SNTG2: variants seen among roughly 807,000 people sequenced by gnomAD.
The protein encoded by SNTG2 is gamma-2-syntrophin.
Under a neutral mutation model 70.9 loss-of-function variants are expected in SNTG2, and 74 were observed. The ratio of observed to expected loss-of-function variants is 1.04; its 90% CI spans 0.86 to 1.27. SNTG2 has a LOEUF of 1.27. Among genes scored for constraint, SNTG2 ranks in the 50% most tolerant of loss-of-function variants. SNTG2 has a pLI of 0.00. For missense variants in SNTG2, 717 were observed against 690.7 expected (o/e 1.04, Z -0.43); for synonymous variants, 278 against 273.8 (o/e 1.02, Z -0.15).
rs4971401 is a variant in SNTG2, at chr2:1,161,845, C to G, written c.412-3703C>G. 9.6e-3 allele frequency among the ~76,000 whole-genome samples: 1,455 copies of G among 151,934 alleles called. 13 individuals are homozygous for G. The highest frequency in any genetic ancestry group is 0.017 in the Non-Finnish European group (1,150 of 67,966). On this transcript the variant is annotated intron_variant, in intron 6 of 16. Transcript: ENST00000308624. ...ATCCCAGCAGTTTGGGAGGCCGAGG[C>G]GGGCGGATCACGAGGTCAGGAGATC...
chr2:1,268,427 G>A (rs1197715269), intron 14 of SNTG2, among the ~76,000 whole-genome samples: 1 of 152,152 alleles, frequency 6.6e-6, no homozygotes, highest in African/African-American at 2.4e-5. Flanking sequence ...TGCCATCACA[G>A]AGCACGAAGC....
chr2:1,130,054 A>G (rs1237937184), intron 4 of SNTG2, among the ~76,000 whole-genome samples: 4 of 152,168 alleles, frequency 2.6e-5, no homozygotes, highest in African/African-American at 9.6e-5. Flanking sequence ...TTCATCTTAC[A>G]TTCTTGGCCA....
rs374705132 is a variant in SNTG2, at chr2:1,085,158, G to T, written c.210+1503G>T. On this transcript the variant is annotated intron_variant, in intron 2 of 16. Transcript: ENST00000308624. ...AACCATTATTTTTTTTCCTCCACTT[G>T]TTCTAAATACCTAATAAGAGTGGGC... 9.2e-5 allele frequency among the ~76,000 whole-genome samples: 14 copies of T among 151,902 alleles called. No homozygotes were observed. The East Asian group carries it at 2.5e-3, about 27-fold the overall frequency.
At chr2:1,152,533 T>G (rs1669571622) in intron 6 of SNTG2, among the ~76,000 whole-genome samples, 1 of 151,830 alleles carries the variant, frequency 6.6e-6, no homozygotes, top group East Asian at 2.0e-4. Flanking sequence ...TGCATGTGTA[T>G]TCATGTGTGC....
At chr2:1,103,635 C>G (rs750232008) in intron 4 of SNTG2, among the ~76,000 whole-genome samples, 4 of 152,164 alleles carry the variant, frequency 2.6e-5, no homozygotes, top group Admixed American at 1.3e-4. Flanking sequence ...TGATCCTCCC[C>G]CTTTGGCCTC....
intron 6 of SNTG2, among the ~76,000 whole-genome samples, chr2:1,154,896 ACACATAC>A (rs1216395003): frequency 6.6e-6 from 1 of 150,796 alleles, no homozygotes; most frequent in African/African-American, 2.4e-5. Flanking sequence ...ACACACAAAG[ACACATAC>A]CACATACACA....
chr2:1,098,000 A>C lies in SNTG2; in HGVS notation c.211-196A>C, dbSNP rs986244572. The stretch of plus-strand genomic sequence containing the variant: ...CCTGGAATGGGGCCTATTCTTTATC[A>C]CTGTCTTCGTTTTCATACGTGCAAT... On this transcript the variant is annotated intron_variant, in intron 2 of 16. Transcript: ENST00000308624. This position sits in a 1 kb window ranked among gnomAD's most constrained non-coding sequence, Gnocchi z 4.1. Among the ~76,000 whole-genome samples the C allele has an allele frequency of 6.6e-6, 1 of 151,848 alleles. No individual in the cohort carries two copies. Among genetic ancestry groups the C allele is most frequent in the African/African-American group, 2.4e-5 (1 of 41,326 alleles).
chr2:1,142,628 A>T (rs28392581), intron 6 of SNTG2, among the ~76,000 whole-genome samples: 150,287 of 152,330 alleles, frequency 0.99, 74,170 homozygotes, highest in Middle Eastern at 1. Context: ...CAACTCAACC[A>T]CACTTAGTGT....
chr2:1,256,759 G>A (rs573912367), intron 12 of SNTG2, among the ~76,000 whole-genome samples: 36 of 152,084 alleles, frequency 2.4e-4, no homozygotes, highest in Non-Finnish European at 4.7e-4. Context: ...AGGGTGCTCT[G>A]CAGAAAGGAT....
chr2:1,287,845 G>A (rs1231768126), intron 14 of SNTG2, among the ~76,000 whole-genome samples: 1 of 152,144 alleles, frequency 6.6e-6, no homozygotes, highest in East Asian at 1.9e-4. Context: ...CCATGGTTTT[G>A]TGGTTGCATT....
chr2:1,098,463 C>G, intron 4 of SNTG2, 53 bp downstream of exon 4: 1 of 1,536,362 alleles, frequency 6.5e-7, no homozygotes, highest in Non-Finnish European at 9.0e-7. Flanking sequence ...TGTGAGATAA[C>G]AAATTACTGA....
chr2:1,131,072 T>C (rs7588450), intron 4 of SNTG2, among the ~76,000 whole-genome samples: 90,505 of 151,982 alleles, frequency 0.6, 27,700 homozygotes, highest in East Asian at 0.74. Context: ...GACACAGCCT[T>C]GGGCCAAACT....
At position 1,087,341 on chromosome 2, in the gene SNTG2, A is replaced by G. The variant is rs564502027; in HGVS notation, c.210+3686A>G. On this transcript the variant is annotated intron_variant, in intron 2 of 16. Coordinates refer to ENST00000308624, the MANE Select transcript of SNTG2 (RefSeq NM_018968.4). ...GTAGCATGGCTGTTCTGTCTGTCCT[A>G]TAGGAAGGCTTTGTCAGGGTAATGT... Among the ~76,000 whole-genome samples the G allele has an allele frequency of 2.6e-5, 4 of 152,156 alleles. No homozygotes were observed. The South Asian group carries it at 6.2e-4, about 24-fold the overall frequency.
At chr2:1,122,956 G>A (rs1204828309) in intron 4 of SNTG2, among the ~76,000 whole-genome samples, 1 of 151,850 alleles carries the variant, frequency 6.6e-6, no homozygotes, top group Non-Finnish European at 1.5e-5. Context: ...ATTAATGCAA[G>A]CATCAGAAAA....
At chr2:1,059,692 C>T (rs1662690065) in intron 1 of SNTG2, among the ~76,000 whole-genome samples, 1 of 152,124 alleles carries the variant, frequency 6.6e-6, no homozygotes, top group South Asian at 2.1e-4. Flanking sequence ...ACTCAGAGGG[C>T]ATAACATGAA....
intron 1 of SNTG2, among the ~76,000 whole-genome samples, chr2:984,259 C>CTT (rs35096466): frequency 4.8e-4 from 67 of 140,310 alleles, no homozygotes; most frequent in Non-Finnish European, 8.4e-4. Flanking sequence ...AGAAACAAAG[C>CTT]TTTTTTTTTT....
intron 9 of SNTG2, among the ~76,000 whole-genome samples, chr2:1,217,129 A>T (rs1432103222): frequency 6.6e-6 from 1 of 151,040 alleles, no homozygotes; most frequent in African/African-American, 2.4e-5. Flanking sequence ...TCTTTTTTTA[A>T]AAAAAAAAGA....
chr2:959,723 G>A (rs1168846010), intron 1 of SNTG2, among the ~76,000 whole-genome samples: 2 of 150,656 alleles, frequency 1.3e-5, no homozygotes, highest in East Asian at 1.9e-4. Context: ...GCTGCATCTC[G>A]GGTGCCGCTG....
chr2:998,093 C>T (rs1282197365), intron 1 of SNTG2, among the ~76,000 whole-genome samples: 1 of 152,074 alleles, frequency 6.6e-6, no homozygotes, highest in East Asian at 1.9e-4. Context: ...ATTGAAGGCA[C>T]CTAAAAAGCC....
Sources: gnomAD v4.1 joint callset for allele counts (sites outside exome capture counted in the v4.1 genomes callset) on GRCh38, gnomAD v4.1.1 for gene constraint, Gnocchi (gnomAD v3.1) non-coding constraint, MANE v1.5 for transcripts, NCBI Gene and HGNC (gene_info 2026-07-23, HGNC 2026-07-21) for gene names.